ATF6: variants seen among roughly 807,000 people sequenced by gnomAD.
ATF6 encodes the protein cyclic AMP-dependent transcription factor ATF-6 alpha.
Under a neutral mutation model 83.6 loss-of-function variants are expected in ATF6, and 53 were observed. The ratio of observed to expected loss-of-function variants is 0.63; its 90% CI spans 0.51 to 0.80. ATF6 has a LOEUF of 0.80. Ranked by LOEUF, ATF6 falls within the 30% of genes least tolerant of loss-of-function variation. The probability of loss-of-function intolerance (pLI) is 0.00; values close to 1 mark genes in which losing one functional copy is unlikely to be tolerated. For missense variants in ATF6, 744 were observed against 797.9 expected, an observed-to-expected ratio of 0.93 and a Z score of 0.81; for synonymous variants, 288 against 285.8, an observed-to-expected ratio of 1.01 and a Z score of -0.08.
At chr1:161,810,571 T>G (rs1685431763) in intron 7 of ATF6, among the ~76,000 whole-genome samples, 1 of 151,978 alleles carries the variant, frequency 6.6e-6, no homozygotes, top group Non-Finnish European at 1.5e-5. Flanking sequence ...AATGTGCAAG[T>G]GCATTTGTCT....
intron 15 of ATF6, among the ~76,000 whole-genome samples, chr1:161,937,605 C>G (rs1688562772): frequency 6.6e-6 from 1 of 151,980 alleles, no homozygotes; most frequent in South Asian, 2.1e-4. Flanking sequence ...GTGGATGAAG[C>G]TGGAAACCAT....
chr1:161,802,868 AC>A (rs1213893279), intron 7 of ATF6, among the ~76,000 whole-genome samples: 1 of 152,172 alleles, frequency 6.6e-6, no homozygotes. Flanking sequence ...GTTTCCTAAG[AC>A]CTGTCACTCT....
At chr1:161,836,304 C>T (rs1571175662) in intron 9 of ATF6, among the ~76,000 whole-genome samples, 1 of 152,310 alleles carries the variant, frequency 6.6e-6, no homozygotes, top group African/African-American at 2.4e-5. Flanking sequence ...TATGATATCA[C>T]TATTGGCTGT....
At chr1:161,948,313 G>A (rs777077550) in intron 15 of ATF6, among the ~76,000 whole-genome samples, 17 of 152,108 alleles carry the variant, frequency 1.1e-4, no homozygotes, top group East Asian at 1.9e-4. Flanking sequence ...CAATAGTAGC[G>A]AAAGAGAAAA....
chr1:161,824,812 G>T (rs1487634283), intron 9 of ATF6, among the ~76,000 whole-genome samples: 1 of 152,112 alleles, frequency 6.6e-6, no homozygotes, highest in African/African-American at 2.4e-5. Flanking sequence ...CTTAATGTTT[G>T]CCAGGTACTG....
At chr1:161,778,113 T>A (rs1684559052) in intron 1 of ATF6, 131 bp from the exon 2 acceptor site, 1 of 623,634 alleles carries the variant, frequency 1.6e-6, no homozygotes, top group Non-Finnish European at 2.8e-6. Context: ...TTATTCACAT[T>A]ACTGGAGTTT....
At chr1:161,769,160 A>G (rs1291223083) in intron 1 of ATF6, among the ~76,000 whole-genome samples, 2 of 152,246 alleles carry the variant, frequency 1.3e-5, no homozygotes, top group Non-Finnish European at 2.9e-5. Context: ...GAGCAGCCAG[A>G]GACAGCATAA....
At chr1:161,899,942 T>A (rs914649801) in intron 14 of ATF6, among the ~76,000 whole-genome samples, 1 of 152,104 alleles carries the variant, frequency 6.6e-6, no homozygotes, top group Non-Finnish European at 1.5e-5. Flanking sequence ...AGAAAAAAAA[T>A]CAGTTCCCAG....
At chr1:161,811,385 G>A (rs939897985) in intron 7 of ATF6, among the ~76,000 whole-genome samples, 1 of 152,028 alleles carries the variant, frequency 6.6e-6, no homozygotes, top group Non-Finnish European at 1.5e-5. Context: ...ACTTTTCTGT[G>A]GCTCTTACCT....
At chr1:161,822,566 A>T (rs1345595649) in intron 9 of ATF6, among the ~76,000 whole-genome samples, 1 of 152,180 alleles carries the variant, frequency 6.6e-6, no homozygotes, top group Non-Finnish European at 1.5e-5. Flanking sequence ...TTTTATGAAG[A>T]TTTTCAAACA....
intron 9 of ATF6, among the ~76,000 whole-genome samples, chr1:161,841,396 C>T (rs1384049922): frequency 6.6e-6 from 1 of 152,088 alleles, no homozygotes; most frequent in Non-Finnish European, 1.5e-5. Flanking sequence ...GGACAATCAA[C>T]TTGTCTGTAA....
At chr1:161,936,571 A>G (rs1688540335) in intron 15 of ATF6, among the ~76,000 whole-genome samples, 2 of 152,180 alleles carry the variant, frequency 1.3e-5, no homozygotes, top group African/African-American at 4.8e-5. Context: ...ACATTTTGAC[A>G]TATTAAATTT....
intron 14 of ATF6, among the ~76,000 whole-genome samples, chr1:161,903,366 G>A (rs1207666149): frequency 2.6e-5 from 4 of 152,152 alleles, no homozygotes; most frequent in Admixed American, 2.6e-4. Context: ...GATCATGATG[G>A]AGAGAGACCA....
intron 14 of ATF6, among the ~76,000 whole-genome samples, chr1:161,890,236 A>G (rs1687519483): frequency 6.6e-6 from 1 of 152,254 alleles, no homozygotes; most frequent in Non-Finnish European, 1.5e-5. Context: ...TGAGTTTAGG[A>G]AGAGTCATAT....
At chr1:161,795,524 A>G (rs935726058) in intron 6 of ATF6, among the ~76,000 whole-genome samples, 4 of 152,228 alleles carry the variant, frequency 2.6e-5, no homozygotes, top group Non-Finnish European at 5.9e-5. Context: ...CAGACAAAGT[A>G]GGCATTCAAT....
intron 7 of ATF6, among the ~76,000 whole-genome samples, chr1:161,804,147 C>T (rs1287280500): frequency 1.3e-5 from 2 of 151,868 alleles, no homozygotes; most frequent in African/African-American, 4.8e-5. Flanking sequence ...CCTTTTAATA[C>T]TCTTTTAAAT....
chr1:161,926,669 G>A (rs553930465), intron 15 of ATF6, among the ~76,000 whole-genome samples: 1 of 152,270 alleles, frequency 6.6e-6, no homozygotes, highest in East Asian at 1.9e-4. Context: ...CTGTACAAGG[G>A]TATGAATACC....
intron 14 of ATF6, among the ~76,000 whole-genome samples, chr1:161,906,609 C>A (rs1003549991): frequency 6.6e-6 from 1 of 152,298 alleles, no homozygotes; most frequent in East Asian, 1.9e-4. Context: ...ATTTCAAGCT[C>A]ATTTTTCCTC....
chr1:161,851,180 G>C (rs1209857485), intron 10 of ATF6, among the ~76,000 whole-genome samples: 1 of 107,204 alleles, frequency 9.3e-6, no homozygotes, highest in Non-Finnish European at 2.0e-5. Context: ...ACCCCTACCT[G>C]TTTTACAGAT....
Sources: gnomAD v4.1 joint callset for allele counts (sites outside exome capture counted in the v4.1 genomes callset) on GRCh38, gnomAD v4.1.1 for gene constraint, MANE v1.5 for transcripts, NCBI Gene and HGNC (gene_info 2026-07-23, HGNC 2026-07-21) for gene names.